GULP1: variants seen among roughly 807,000 people sequenced by gnomAD.
The protein encoded by GULP1 is GULP PTB domain containing engulfment adaptor 1, also known as PTB domain-containing engulfment adapter protein 1.
In GULP1, 19 loss-of-function variants were observed where a neutral mutation model predicts 40.9. The observed-to-expected ratio is 0.46, with a 90% CI of 0.32 to 0.68. The LOEUF (loss-of-function observed/expected upper bound fraction) is 0.68, where lower values mean the gene tolerates loss of function less well. Among genes scored for constraint, GULP1 ranks in the 30% least tolerant of loss-of-function variants. The pLI, the probability that GULP1 is intolerant of heterozygous loss-of-function variation, is 0.03. For missense variants in GULP1, 312 were observed against 362.2 expected (o/e 0.86, Z 1.12); for synonymous variants, 119 against 117.6 (o/e 1.01, Z -0.08).
chr2:188,543,994 G>A (rs1057287025), intron 7 of GULP1, among the ~76,000 whole-genome samples: 2 of 152,016 alleles, frequency 1.3e-5, no homozygotes, highest in African/African-American at 2.4e-5. Flanking sequence ...GTGACAGTGA[G>A]GACCATTCAA....
Position 188,483,416 on chromosome 2 carries a change from T to A in GULP1, c.29-15T>A. 2 of 1,415,434 alleles carry A rather than the reference T, an allele frequency of 1.4e-6. No homozygotes were observed. Among genetic ancestry groups the A allele is most frequent in the East Asian group, 4.6e-5 (2 of 43,152 alleles). 87.7% of individuals were successfully genotyped at this position (1,415,434 alleles called of 1,614,324 possible). On this transcript the variant is annotated splice_polypyrimidine_tract_variant and intron_variant, in intron 3 of 11. Transcript: ENST00000409830. ...TGGAAACCTAAAATTTAACTCTGTG[T>A]ATTTTTTATTGCAGACAAAACATGG...
intron 1 of GULP1, among the ~76,000 whole-genome samples, chr2:188,327,892 T>C (rs2152006104): frequency 6.6e-6 from 1 of 152,288 alleles, no homozygotes; most frequent in South Asian, 2.1e-4. Context: ...TAGTTCAGTG[T>C]ATAATGAAGT....
intron 4 of GULP1, among the ~76,000 whole-genome samples, chr2:188,510,937 G>T (rs1395185157): frequency 1.3e-5 from 2 of 152,034 alleles, no homozygotes; most frequent in Non-Finnish European, 2.9e-5. Context: ...GCAGTTCATT[G>T]TGGGTGGGTT....
chr2:188,356,708 A>G, intron 1 of GULP1, among the ~76,000 whole-genome samples: 1 of 152,132 alleles, frequency 6.6e-6, no homozygotes, highest in East Asian at 1.9e-4. Context: ...TTACAAAACT[A>G]CCAAAGACCC....
intron 1 of GULP1, among the ~76,000 whole-genome samples, chr2:188,356,206 A>G (rs185712315): frequency 3.3e-5 from 5 of 152,272 alleles, no homozygotes; most frequent in African/African-American, 1.2e-4. Flanking sequence ...GGCAAGAGAA[A>G]GAGAAAAAGG....
At chr2:188,356,592 T>C (rs72909519) in intron 1 of GULP1, among the ~76,000 whole-genome samples, 1,737 of 152,238 alleles carry the variant, frequency 0.011, 14 homozygotes, top group Non-Finnish European at 0.019. Flanking sequence ...CAATTAATAT[T>C]GTTAAAATGA....
intron 1 of GULP1, among the ~76,000 whole-genome samples, chr2:188,381,968 CTGAG>C (rs1379902171): frequency 6.6e-6 from 1 of 152,128 alleles, no homozygotes; most frequent in Non-Finnish European, 1.5e-5. Flanking sequence ...AATAGTGTTA[CTGAG>C]TAAGCAAACA....
At chr2:188,509,717 A>T (rs1288876638) in intron 4 of GULP1, among the ~76,000 whole-genome samples, 1 of 151,426 alleles carries the variant, frequency 6.6e-6, no homozygotes, top group African/African-American at 2.4e-5. Context: ...ATAATCACTT[A>T]CAGCTAGAAA....
chr2:188,541,045 T>G (rs1690346533), intron 6 of GULP1, 136 bp from the exon 7 acceptor site: 1 of 714,208 alleles, frequency 1.4e-6, no homozygotes, highest in African/African-American at 1.8e-5. Flanking sequence ...TAGGTTGGGG[T>G]GTACATAATT....
intron 4 of GULP1, among the ~76,000 whole-genome samples, chr2:188,509,948 T>C (rs1165727109): frequency 6.6e-6 from 1 of 152,064 alleles, no homozygotes; most frequent in African/African-American, 2.4e-5. Context: ...CAGGACCTGA[T>C]ACATAGAGTA....
chr2:188,350,841 T>C (rs188526258), intron 1 of GULP1, among the ~76,000 whole-genome samples: 5 of 152,254 alleles, frequency 3.3e-5, no homozygotes, highest in Admixed American at 3.3e-4. Flanking sequence ...TGTCAGCAAA[T>C]ATTTATTGAA....
At chr2:188,573,057 A>G (rs1699409277) in intron 9 of GULP1, among the ~76,000 whole-genome samples, 1 of 152,206 alleles carries the variant, frequency 6.6e-6, no homozygotes, top group Non-Finnish European at 1.5e-5. Flanking sequence ...TTTAGAAGAA[A>G]GTGAACTCAA....
At chr2:188,496,999 A>G (rs1020393860) in intron 4 of GULP1, among the ~76,000 whole-genome samples, 4 of 151,976 alleles carry the variant, frequency 2.6e-5, no homozygotes, top group Non-Finnish European at 5.9e-5. Context: ...TGCTTCCTGT[A>G]CAGCCTGCAG....
intron 2 of GULP1, among the ~76,000 whole-genome samples, chr2:188,463,831 C>G (rs2059906476): frequency 6.6e-6 from 1 of 152,108 alleles, no homozygotes; most frequent in African/African-American, 2.4e-5. Context: ...CATTTTTCAG[C>G]TCCAGAATTT....
chr2:188,474,929 G>A (rs2060886412), intron 2 of GULP1, among the ~76,000 whole-genome samples: 1 of 152,032 alleles, frequency 6.6e-6, no homozygotes, highest in South Asian at 2.1e-4. Flanking sequence ...CATAAATTGA[G>A]ATAAAGTCAA....
At chr2:188,376,735 G>A (rs1015011397) in intron 1 of GULP1, among the ~76,000 whole-genome samples, 1 of 152,158 alleles carries the variant, frequency 6.6e-6, no homozygotes, top group Non-Finnish European at 1.5e-5. Context: ...TGGGAAGTGT[G>A]GTTTAAATTC....
chr2:188,330,477 A>G (rs951150768), intron 1 of GULP1, among the ~76,000 whole-genome samples: 37 of 152,200 alleles, frequency 2.4e-4, no homozygotes, highest in Non-Finnish European at 5.0e-4. Context: ...GGAGAACATA[A>G]GGAGTGTTAT....
chr2:188,296,075 C>G (rs2034853718), intron 1 of GULP1, among the ~76,000 whole-genome samples: 1 of 152,112 alleles, frequency 6.6e-6, no homozygotes, highest in Admixed American at 6.5e-5. Context: ...CAGAAGCTAA[C>G]TGCATAACTG....
intron 4 of GULP1, among the ~76,000 whole-genome samples, chr2:188,506,328 C>T (rs954139375): frequency 2.6e-5 from 4 of 151,748 alleles, no homozygotes; most frequent in Non-Finnish European, 4.4e-5. Flanking sequence ...TTTTCCTACT[C>T]GTTTGCATTT....
Sources: allele counts gnomAD v4.1 joint callset (sites outside exome capture counted in the v4.1 genomes callset), GRCh38; gene constraint gnomAD v4.1.1; transcripts MANE v1.5; gene names NCBI Gene and HGNC (gene_info 2026-07-23, HGNC 2026-07-21).